Variants in HCN1 observed in about 807,000 individuals in gnomAD.
HCN1 encodes hyperpolarization activated cyclic nucleotide gated potassium channel 1, also known as potassium/sodium hyperpolarization-activated cyclic nucleotide-gated channel 1.
In HCN1, 13 loss-of-function variants were observed where a neutral mutation model predicts 78.9. That is an observed-to-expected ratio of 0.16 (90% confidence interval 0.11 to 0.26). HCN1 has a LOEUF of 0.26. Ranked by LOEUF, HCN1 falls within the 10% of genes least tolerant of loss-of-function variation. HCN1 has a pLI of 1.00. For synonymous variants in HCN1, 552 were observed against 455.5 expected (o/e 1.21, Z -2.70); for missense variants, 810 against 1,154.3 (o/e 0.70, Z 4.32).
At chr5:45,408,030 T>C (rs1317159055) in intron 3 of HCN1, among the ~76,000 whole-genome samples, 2 of 152,094 alleles carry the variant, frequency 1.3e-5, no homozygotes, top group Non-Finnish European at 2.9e-5. Context: ...AGAATATAAG[T>C]ACAGGGAAAG....
At chr5:45,372,217 T>C (rs1170007410) in intron 4 of HCN1, among the ~76,000 whole-genome samples, 2 of 73,152 alleles carry the variant, frequency 2.7e-5, no homozygotes, top group Non-Finnish European at 4.5e-5. Flanking sequence ...TTATATAATA[T>C]AATATATATA....
Position 45,554,186 on chromosome 5 carries a change from G to A in HCN1, c.849+90999C>T, listed in dbSNP as rs116628874. Among the ~76,000 whole-genome samples, 1,151 of 151,900 alleles carry A rather than the reference G, an allele frequency of 7.6e-3. 5 individuals carry two copies. Among genetic ancestry groups the A allele is most frequent in the Middle Eastern group, 0.065 (19 of 294 alleles). Reference sequence around the variant, plus strand: ...TAAGCAGTTATTGTTTATTATCACTGACAGATAGGCCCATTGAAATAATGA... The same window carrying A: ...TAAGCAGTTATTGTTTATTATCACTAACAGATAGGCCCATTGAAATAATGA... On this transcript the variant is annotated intron_variant, in intron 2 of 7. Coordinates refer to ENST00000303230, the MANE Select transcript of HCN1 (RefSeq NM_021072.4).
At chr5:45,298,223 A>G (rs139457385) in intron 6 of HCN1, among the ~76,000 whole-genome samples, 1 of 152,172 alleles carries the variant, frequency 6.6e-6, no homozygotes, top group East Asian at 1.9e-4. Context: ...TGGTTGATGT[A>G]TAAATGATTT....
intron 4 of HCN1, among the ~76,000 whole-genome samples, chr5:45,374,059 A>ATACATAATATATATTATATATATTATG (rs1747521057): frequency 1.1e-5 from 1 of 92,944 alleles, no homozygotes; most frequent in African/African-American, 4.5e-5. Context: ...TATATATTAT[A>ATACATAATATATATTATATATATTATG]TATATAATAT....
intron 6 of HCN1, among the ~76,000 whole-genome samples, chr5:45,275,711 G>A (rs772352923): frequency 2.6e-5 from 4 of 152,114 alleles, no homozygotes; most frequent in East Asian, 1.9e-4. Flanking sequence ...ACGTAGGTAG[G>A]AAACAATCTC....
At chr5:45,331,526 CTT>C (rs199819893) in intron 5 of HCN1, among the ~76,000 whole-genome samples, 2,073 of 151,278 alleles carry the variant, frequency 0.014, 33 homozygotes, top group Non-Finnish European at 0.024. Flanking sequence ...TCATTTTAGA[CTT>C]ATTAATATTT....
At chr5:45,536,639 A>C (rs1330099014) in intron 2 of HCN1, among the ~76,000 whole-genome samples, 1 of 152,126 alleles carries the variant, frequency 6.6e-6, no homozygotes, top group African/African-American at 2.4e-5. Context: ...TTGTGTGCTA[A>C]TAGAAACATT....
At chr5:45,369,090 T>A (rs1476996666) in intron 4 of HCN1, among the ~76,000 whole-genome samples, 1 of 151,714 alleles carries the variant, frequency 6.6e-6, no homozygotes, top group African/African-American at 2.4e-5. Context: ...TTTATTCTTT[T>A]TCATGTGGCT....
At chr5:45,651,694 T>C (rs1174851009) in intron 1 of HCN1, among the ~76,000 whole-genome samples, 2 of 151,958 alleles carry the variant, frequency 1.3e-5, no homozygotes, top group Non-Finnish European at 2.9e-5. Flanking sequence ...ATCCTCTTAA[T>C]ACTAAGATTC....
chr5:45,529,632 T>A (rs1472728817), intron 2 of HCN1, among the ~76,000 whole-genome samples: 5 of 152,024 alleles, frequency 3.3e-5, no homozygotes, highest in African/African-American at 1.2e-4. Context: ...TTTGGCGGAA[T>A]ACCAAATTAA....
At chr5:45,433,377 G>T (rs112329197) in intron 3 of HCN1, among the ~76,000 whole-genome samples, 1,571 of 151,670 alleles carry the variant, frequency 0.01, 32 homozygotes, top group African/African-American at 0.035. Context: ...CTGTTTCATC[G>T]GAAATTATAA....
At chr5:45,448,547 G>A (rs1379644512) in intron 3 of HCN1, among the ~76,000 whole-genome samples, 1 of 152,094 alleles carries the variant, frequency 6.6e-6, no homozygotes, top group Non-Finnish European at 1.5e-5. Flanking sequence ...GTATTCTGCA[G>A]GTGGTAGCAA....
intron 6 of HCN1, 28 bp from the exon 7 acceptor site, chr5:45,267,281 G>A (rs1379921953): frequency 6.8e-6 from 11 of 1,606,874 alleles, no homozygotes; most frequent in Non-Finnish European, 9.4e-6. Context: ...AAAGAAGAAT[G>A]ACTTGTTTGA....
intron 7 of HCN1, among the ~76,000 whole-genome samples, chr5:45,264,477 C>T (rs1170544693): frequency 6.6e-6 from 1 of 152,162 alleles, no homozygotes; most frequent in African/African-American, 2.4e-5. Flanking sequence ...TTAAAGGTAA[C>T]AAAATATATT....
rs1390930245 is a variant in HCN1 at position 45,255,956 on chromosome 5, G to A, written c.*5965C>T. ...CTGAATTCAATTATATAATCTATTG[G>A]AAACATAAAGTGGTCCTCTTTTGAA... On this transcript the variant is annotated 3_prime_UTR_variant, in exon 8 of 8. Coordinates refer to ENST00000303230, the MANE Select transcript of HCN1 (RefSeq NM_021072.4). The A allele has an allele frequency of 6.6e-6, 1 of 151,744 alleles. No homozygotes were observed. The highest frequency in any genetic ancestry group is 1.9e-4 in the East Asian group (1 of 5,196). The allele number at this position is 151,744 out of a possible 1,614,324, so 9.4% of individuals were successfully genotyped here.
At chr5:45,530,413 T>C (rs1450952504) in intron 2 of HCN1, among the ~76,000 whole-genome samples, 1 of 140,126 alleles carries the variant, frequency 7.1e-6, no homozygotes, top group Non-Finnish European at 1.5e-5. Context: ...ATTGTGTTTT[T>C]ATATATATAT....
At chr5:45,303,560 C>G (rs1204030189) in intron 6 of HCN1, 39 bp downstream of exon 6, 3 of 1,605,038 alleles carry the variant, frequency 1.9e-6, no homozygotes, top group African/African-American at 1.3e-5. Context: ...AAATCTCAAG[C>G]AGTTTAGATT....
intron 2 of HCN1, among the ~76,000 whole-genome samples, chr5:45,572,328 T>C (rs1455165307): frequency 6.6e-6 from 1 of 152,190 alleles, no homozygotes. Flanking sequence ...TGTCCTTTCA[T>C]GTTCTCCTTA....
chr5:45,658,601 C>A lies in HCN1; in HGVS notation c.426-12993G>T, dbSNP rs1334913545. 2.0e-5 allele frequency among the ~76,000 whole-genome samples: 3 copies of A among 151,616 alleles called. No individual in the cohort carries two copies. In the East Asian group the frequency reaches 5.9e-4, roughly 30 times the overall value. On this transcript the variant is annotated intron_variant, in intron 1 of 7. Transcript: ENST00000303230. ...GGCGCAGGCCAGTGTGTGCGCGCAC[C>A]GTGCGCGAGCCGAAGCAGGGCGAGG...
Sources: gnomAD v4.1 joint callset for allele counts (sites outside exome capture counted in the v4.1 genomes callset) on GRCh38, gnomAD v4.1.1 for gene constraint, MANE v1.5 for transcripts, NCBI Gene and HGNC (gene_info 2026-07-23, HGNC 2026-07-21) for gene names.